The following PTPRS variants were observed in gnomAD, a reference collection of about 807,000 sequenced individuals.
The protein encoded by PTPRS is protein tyrosine phosphatase receptor type S, also known as receptor-type tyrosine-protein phosphatase S.
A neutral mutation model predicts 215.3 loss-of-function variants in PTPRS; 63 were observed. The ratio of observed to expected loss-of-function variants is 0.29; its 90% CI spans 0.24 to 0.36. The LOEUF is 0.36. Ranked by LOEUF, PTPRS falls within the 10% of genes least tolerant of loss-of-function variation. The probability of loss-of-function intolerance (pLI) is 1.00; values close to 1 mark genes in which losing one functional copy is unlikely to be tolerated. For synonymous variants in PTPRS, 1,404 were observed against 1,191.4 expected, an observed-to-expected ratio of 1.18 and a Z score of -3.68; for missense variants, 2,258 against 2,825.8, an observed-to-expected ratio of 0.80 and a Z score of 4.56.
chr19:5,279,807 C>G (rs980055406), intron 2 of PTPRS, among the ~76,000 whole-genome samples: 1 of 152,134 alleles, frequency 6.6e-6, no homozygotes, highest in Non-Finnish European at 1.5e-5. Context: ...CTCAGCCTCC[C>G]GAGTAGCTGG....
chr19:5,322,146 C>T (rs1193425518), intron 1 of PTPRS, among the ~76,000 whole-genome samples: 1 of 152,228 alleles, frequency 6.6e-6, no homozygotes, highest in Non-Finnish European at 1.5e-5. Flanking sequence ...GCAGGCCCCA[C>T]GGTCCCCGCC....
Position 5,228,843 on chromosome 19 carries a change from C to A in PTPRS, c.2376+473G>T, listed in dbSNP as rs182312522. Among the ~76,000 whole-genome samples the A allele has an allele frequency of 8.5e-5, 13 of 152,350 alleles. No individual in the cohort carries two copies. The East Asian group carries it at 1.7e-3, about 20-fold the overall frequency. ...TTCCCCACTCTGGCCCCGCTGACAC[C>A]TCTCATCACCCGGGGGCCAGAATGA... On this transcript the variant is annotated intron_variant, in intron 16 of 37. Coordinates refer to ENST00000262963, the MANE Select transcript of PTPRS (RefSeq NM_002850.4).
chr19:5,232,363 G>A (rs1370196123), intron 13 of PTPRS, among the ~76,000 whole-genome samples: 1 of 150,226 alleles, frequency 6.7e-6, no homozygotes, highest in African/African-American at 2.5e-5. Flanking sequence ...CATACCAAGG[G>A]GAATGGCAGC....
intron 1 of PTPRS, among the ~76,000 whole-genome samples, chr19:5,337,204 C>T (rs769038503): frequency 2.0e-5 from 3 of 152,202 alleles, no homozygotes; most frequent in Non-Finnish European, 4.4e-5. Context: ...TGTCAATTAT[C>T]CCCCAAACCC....
At position 5,218,524 on chromosome 19, in the gene PTPRS, T is replaced by C. The variant is rs760047878; in HGVS notation, c.3944A>G (p.Lys1315Arg). Reference sequence around the variant, plus strand: ...GCATTTGGTGCGGGGTTCTGAGTCCTTGCGTTTACTTTAGGAGAAGCAAGC... The same window carrying C: ...GCATTTGGTGCGGGGTTCTGAGTCCCTGCGTTTACTTTAGGAGAAGCAAGC... ...LYKNKPDSKR[K>R]DSEPRTKCLL... The change falls in exon 25 of 38, where the codon AAG (lysine) becomes AGG (arginine). Residue 1315 changes from lysine (K) to arginine (R), a missense_variant. By Grantham distance (26) the Lys-to-Arg change is conservative (BLOSUM62 2). This residue lies in a region of PTPRS where 927 missense variants were observed against 1,125.9 expected (regional missense o/e 0.82). Transcript: ENST00000262963. The C allele has an allele frequency of 2.5e-6, 4 of 1,614,164 alleles. No individual in the cohort carries two copies. The South Asian group carries it at 4.4e-5, about 18-fold the overall frequency.
rs551798228 is a variant in PTPRS at position 5,312,330 on chromosome 19, G to T, written c.-94-26096C>A. Among the ~76,000 whole-genome samples the T allele has an allele frequency of 2.6e-5, 4 of 152,284 alleles. No individual in the cohort carries two copies. In the East Asian group the frequency reaches 7.7e-4, roughly 29 times the overall value. ...GGGCATAGGATGTGTGGGACGAGAA[G>T]GTGAGCACAATATGCCAATATTTGC... On this transcript the variant is annotated intron_variant, in intron 1 of 37. Coordinates refer to ENST00000262963, the MANE Select transcript of PTPRS (RefSeq NM_002850.4).
chr19:5,335,036 C>T (rs775764907), intron 1 of PTPRS, among the ~76,000 whole-genome samples: 6 of 152,158 alleles, frequency 3.9e-5, no homozygotes, highest in Non-Finnish European at 8.8e-5. Flanking sequence ...CACACAGACG[C>T]GCCAACCTCG....
Position 5,274,224 on chromosome 19 carries a change from T to C in PTPRS, c.212A>G (p.Lys71Arg), listed in dbSNP as rs1252337813. 1.9e-6 allele frequency: 3 copies of C among 1,614,020 alleles called. No individual in the cohort carries two copies. Among genetic ancestry groups the C allele is most frequent in the Non-Finnish European group, 2.5e-6 (3 of 1,179,926 alleles). ...CTCAAAGCGCTGAGAGTTGACCTTC[T>C]TGCCCTTCTTGTTCCAGGTCACTCG... ...KPRVTWNKKGKKVNSQRFETI... is the reference protein window; with the variant it reads ...KPRVTWNKKGRKVNSQRFETI... Residue 71 changes from lysine (K) to arginine (R), a missense_variant, in exon 3 of 38, where the codon AAG (lysine) becomes AGG (arginine). Physicochemically the swap from Lys to Arg is conservative, Grantham distance 26. Transcript: ENST00000262963.
At chr19:5,220,885 G>T in intron 20 of PTPRS, 115 bp downstream of exon 20, 2 of 1,241,320 alleles carry the variant, frequency 1.6e-6, no homozygotes, top group Non-Finnish European at 1.1e-6. Flanking sequence ...GGGCTGATAG[G>T]GTCTGTGTTT....
At position 5,265,084 on chromosome 19, in the gene PTPRS, A is replaced by G. The variant is rs763746726; in HGVS notation, c.492T>C (p.Pro164=). The change falls in exon 5 of 38, where the codon CCT becomes CCC. Residue 164 remains proline (P), a synonymous_variant. Transcript: ENST00000262963. ...MLCAASGNPD[P]EITWFKDFLP... The stretch of plus-strand genomic sequence containing the variant: ...GGAAGTCCTTGAACCAGGTGATCTC[A>G]GGGTCAGGGTTGCCGCTGGCTGCAC... 6.2e-7 allele frequency: 1 copy of G among 1,613,456 alleles called. No homozygotes were observed. The highest frequency in any genetic ancestry group is 2.2e-5 in the East Asian group (1 of 44,868).
Position 5,212,293 on chromosome 19 carries a change from G to A in PTPRS, c.4770-43C>T, listed in dbSNP as rs374883303. 1.3e-4 allele frequency: 206 copies of A among 1,608,984 alleles called. 1 individual carries two copies. The highest frequency in any genetic ancestry group is 8.8e-4 in the African/African-American group (66 of 75,004). On this transcript the variant is annotated intron_variant, in intron 31 of 37. Coordinates refer to ENST00000262963, the MANE Select transcript of PTPRS (RefSeq NM_002850.4). ...TGGCGTTCAGGGGCTGCTGGGCTGCGGGGACCGGGGGGAAGCGGATGGGGC... is the reference window on the plus strand; with the variant it reads ...TGGCGTTCAGGGGCTGCTGGGCTGCAGGGACCGGGGGGAAGCGGATGGGGC...
At chr19:5,231,882 C>T (rs1334351655) in intron 13 of PTPRS, among the ~76,000 whole-genome samples, 1 of 152,104 alleles carries the variant, frequency 6.6e-6, no homozygotes, top group Non-Finnish European at 1.5e-5. Flanking sequence ...ACGTGGTGCA[C>T]AGTAGGTCTT....
At position 5,216,750 on chromosome 19, in the gene PTPRS, G is replaced by T; in HGVS notation, c.4066C>A (p.Pro1356Thr). The T allele has an allele frequency of 6.3e-7, 1 of 1,576,874 alleles. No homozygotes were observed. The highest frequency in any genetic ancestry group is 8.6e-7 in the Non-Finnish European group (1 of 1,160,368). The change falls in exon 26 of 38, where the codon CCC (proline) becomes ACC (threonine). Residue 1356 changes from proline (P) to threonine (T), a missense_variant. Pro to Thr is a conservative substitution (Grantham distance 38). Around this residue, in one of 6 missense-constraint regions of PTPRS, gnomAD observed 927 missense variants for 1,125.9 expected, o/e 0.82. Coordinates refer to ENST00000262963, the MANE Select transcript of PTPRS (RefSeq NM_002850.4). Reference sequence around the variant, plus strand: ...AAGTGAAACCCCGGCTCCCTGAGGGGGCTCCTGAGGCCTGAATCTGCAAAC... The same window carrying T: ...AAGTGAAACCCCGGCTCCCTGAGGGTGCTCCTGAGGCCTGAATCTGCAAAC... Reference protein sequence around the residue: ...FQTPDSGLRSPLREPGFHFES... With the variant: ...FQTPDSGLRSTLREPGFHFES...
At chr19:5,283,459 C>T (rs2048048399) in intron 2 of PTPRS, among the ~76,000 whole-genome samples, 2 of 152,154 alleles carry the variant, frequency 1.3e-5, no homozygotes, top group Non-Finnish European at 1.5e-5. Flanking sequence ...TGCCAGTAAT[C>T]CCAGCTACTC....
chr19:5,284,774 C>T, intron 2 of PTPRS, among the ~76,000 whole-genome samples: 1 of 151,932 alleles, frequency 6.6e-6, no homozygotes, highest in East Asian at 1.9e-4. Flanking sequence ...CAGTGAAACC[C>T]CATCTCTACA....
intron 1 of PTPRS, among the ~76,000 whole-genome samples, chr19:5,299,819 G>A (rs892089746): frequency 6.6e-6 from 1 of 152,150 alleles, no homozygotes; most frequent in Non-Finnish European, 1.5e-5. Context: ...GCAGTGAGCT[G>A]AGATCGCGCC....
At chr19:5,209,396 A>G (rs539331247) in intron 35 of PTPRS, among the ~76,000 whole-genome samples, 1 of 151,894 alleles carries the variant, frequency 6.6e-6, no homozygotes. Context: ...ATTCCCCATC[A>G]TCTGCCTTGT....
intron 13 of PTPRS, among the ~76,000 whole-genome samples, chr19:5,231,984 C>T (rs1244445972): frequency 6.6e-6 from 1 of 152,184 alleles, no homozygotes; most frequent in East Asian, 1.9e-4. Context: ...ATGTGCTTGG[C>T]ATCGTGCCAA....
rs1048097524 is a variant in PTPRS, at chr19:5,237,636, G to C, written c.1849+1283C>G. Among the ~76,000 whole-genome samples, 16 of 152,164 alleles carry C rather than the reference G, an allele frequency of 1.1e-4. No individual in the cohort carries two copies. Among genetic ancestry groups the C allele is most frequent in the African/African-American group, 3.6e-4 (15 of 41,526 alleles). ...TCAGCCCAGAGTGGCTGGGGCAGGC[G>C]GGGGGGCACGCGGGGTGGGCCGTTT... On this transcript the variant is annotated intron_variant, in intron 13 of 37. Transcript: ENST00000262963. The surrounding 1 kb of genome is among the most constrained non-coding windows in gnomAD (Gnocchi z 4.2).
Sources: gnomAD v4.1 joint callset for allele counts (sites outside exome capture counted in the v4.1 genomes callset) on GRCh38, gnomAD v4.1.1 for gene constraint, gnomAD v4.1.1 regional missense constraint, Gnocchi (gnomAD v3.1) non-coding constraint, MANE v1.5 for transcripts, NCBI Gene and HGNC (gene_info 2026-07-23, HGNC 2026-07-21) for gene names.